Variants in RXRB observed in about 807,000 individuals in gnomAD.
The protein encoded by RXRB is retinoic acid receptor RXR-beta.
In RXRB, 18 loss-of-function variants were observed where a neutral mutation model predicts 52.5. The observed-to-expected ratio is 0.34, with a 90% CI of 0.24 to 0.51. The LOEUF (loss-of-function observed/expected upper bound fraction) is 0.51. Among genes scored for constraint, RXRB ranks in the 20% least tolerant of loss-of-function variants. RXRB has a pLI of 0.97. For missense variants in RXRB, 455 were observed against 698.2 expected (o/e 0.65, Z 3.92); for synonymous variants, 233 against 267.1 (o/e 0.87, Z 1.25).
In RXRB at chr6:33,195,661, TG is replaced by T; in HGVS notation, c.1164del (p.Ile389LeufsTer25). 1 of 1,612,828 alleles carries T rather than the reference TG, an allele frequency of 6.2e-7. No homozygotes were observed. Among genetic ancestry groups the T allele is most frequent in the Non-Finnish European group, 8.5e-7 (1 of 1,179,976 alleles). ...AGGAGGATGCCATCTCGAACATCAA[TG>T]GATCGGTGTGAGAAGGAGGCAATGA... ...ELLIASFSHR[S>X]IDVRDGILLA... On this transcript the variant is annotated frameshift_variant, in exon 7 of 10. Transcript: ENST00000374680. LOFTEE classifies it high-confidence loss of function. This position sits in a 1 kb window ranked among gnomAD's most constrained non-coding sequence, Gnocchi z 8.6.
chr6:33,198,789 C>T (rs2150669414), intron 2 of RXRB, among the ~76,000 whole-genome samples: 1 of 151,966 alleles, frequency 6.6e-6, no homozygotes, highest in East Asian at 1.9e-4. Context: ...TGGTAGGCAC[C>T]TGTAATCCCA....
rs781086170 is a variant in RXRB at position 33,200,496 on chromosome 6, G to A, written c.-20C>T. The A allele has an allele frequency of 6.3e-7, 1 of 1,576,584 alleles. No homozygotes were observed. The highest frequency in any genetic ancestry group is 8.6e-7 in the Non-Finnish European group (1 of 1,163,362). On this transcript the variant is annotated 5_prime_UTR_variant, in exon 1 of 10. Coordinates refer to ENST00000374680, the MANE Select transcript of RXRB (RefSeq NM_021976.5). This position sits in a 1 kb window ranked among gnomAD's most constrained non-coding sequence, Gnocchi z 6.3. ...AGACATGATCCCTGGCTGAGAGTAGGGATACCGAAGAGGTCCCAGGGATTC... is the reference window on the plus strand; with the variant it reads ...AGACATGATCCCTGGCTGAGAGTAGAGATACCGAAGAGGTCCCAGGGATTC...
chr6:33,199,915 A>T (rs769073769), intron 1 of RXRB: 9 of 692,806 alleles, frequency 1.3e-5, no homozygotes, highest in Non-Finnish European at 2.2e-5. Flanking sequence ...CGTGCAAGGG[A>T]AAGAGACAGG....
Position 33,196,067 on chromosome 6 carries a change from G to C in RXRB, c.994-31C>G, listed in dbSNP as rs202144068. The C allele has an allele frequency of 8.1e-6, 13 of 1,611,812 alleles. No homozygotes were observed. The East Asian group carries it at 2.2e-4, about 28-fold the overall frequency. On this transcript the variant is annotated intron_variant, in intron 5 of 9. Coordinates refer to ENST00000374680, the MANE Select transcript of RXRB (RefSeq NM_021976.5). The surrounding 1 kb of genome is among the most constrained non-coding windows in gnomAD (Gnocchi z 4.0). ...GGGGACGGGGGTAAGAGTTATGGAAGATTTTGAGATATGCTGGGAGCCCCC... is the reference window on the plus strand; with the variant it reads ...GGGGACGGGGGTAAGAGTTATGGAACATTTTGAGATATGCTGGGAGCCCCC...
upstream of RXRB, chr6:33,200,732 G>C: frequency 6.5e-7 from 1 of 1,545,228 alleles, no homozygotes; most frequent in Non-Finnish European, 8.7e-7. This position sits in a 1 kb window ranked among gnomAD's most constrained non-coding sequence, Gnocchi z 6.3. Context: ...CCTCCGGCCT[G>C]TTAGCCCGCC....
chr6:33,199,430 A>G lies in RXRB; in HGVS notation c.236-14T>C. The G allele has an allele frequency of 1.6e-6, 2 of 1,255,940 alleles. No homozygotes were observed. The highest frequency in any genetic ancestry group is 2.0e-6 in the Non-Finnish European group (2 of 991,936). 77.8% of individuals were successfully genotyped at this position (1,255,940 alleles called of 1,614,324 possible). A position where few individuals can be genotyped will look rare whatever the true frequency, so the allele number is the denominator to read the frequency against. On this transcript the variant is annotated splice_polypyrimidine_tract_variant and intron_variant, in intron 1 of 9. Transcript: ENST00000374680. ...GGCTTCGGGAGTCTGAGGGAGGGGT[A>G]TGTACAGGCACACAGACACACAAGA...
Position 33,196,366 on chromosome 6 carries a change from T to C in RXRB, c.993+68A>G. ...GAGGGGAAAGGAGGGGGAGGGGATGTAGAACAGACCTAGACTGCCTCCCCC... is the reference window on the plus strand; with the variant it reads ...GAGGGGAAAGGAGGGGGAGGGGATGCAGAACAGACCTAGACTGCCTCCCCC... On this transcript the variant is annotated intron_variant, in intron 5 of 9. Transcript: ENST00000374680. This position sits in a 1 kb window ranked among gnomAD's most constrained non-coding sequence, Gnocchi z 4.0. 1 of 1,468,214 alleles carries C rather than the reference T, an allele frequency of 6.8e-7. No homozygotes were observed. The highest frequency in any genetic ancestry group is 9.5e-7 in the Non-Finnish European group (1 of 1,048,304). The allele number at this position is 1,468,214 out of a possible 1,614,324, so 90.9% of individuals were successfully genotyped here.
In RXRB at chr6:33,200,241, C is replaced by A; in HGVS notation, c.235+1G>T. The A allele has an allele frequency of 6.2e-7, 1 of 1,605,922 alleles. No homozygotes were observed. Among genetic ancestry groups the A allele is most frequent in the Non-Finnish European group, 8.5e-7 (1 of 1,177,776 alleles). On this transcript the variant is annotated splice_donor_variant, in intron 1 of 9. Transcript: ENST00000374680. LOFTEE classifies it high-confidence loss of function. The surrounding 1 kb of genome is among the most constrained non-coding windows in gnomAD (Gnocchi z 6.3). ...GCCTGCCCTTCTGCTGGGGCACTCACCCCGCCCGCTGTCGCCCATCCCGTC... is the reference window on the plus strand; with the variant it reads ...GCCTGCCCTTCTGCTGGGGCACTCAACCCGCCCGCTGTCGCCCATCCCGTC...
rs1162986471 is a variant in RXRB, at chr6:33,193,610, T to A, written c.*1072A>T. On this transcript the variant is annotated 3_prime_UTR_variant, in exon 10 of 10. Coordinates refer to ENST00000374680, the MANE Select transcript of RXRB (RefSeq NM_021976.5). Reference sequence around the variant, plus strand: ...CAGTCCAGAAAACAGCGATTTTAATTTGAAAGCGATTTTATGTATGAGAGG... The same window carrying A: ...CAGTCCAGAAAACAGCGATTTTAATATGAAAGCGATTTTATGTATGAGAGG... 1.3e-5 allele frequency: 2 copies of A among 151,814 alleles called. No homozygotes were observed. The highest frequency in any genetic ancestry group is 2.9e-5 in the Non-Finnish European group (2 of 67,964). The allele number at this position is 151,814 out of a possible 1,614,324, so 9.4% of individuals were successfully genotyped here.
Position 33,195,847 on chromosome 6 carries a change from G to A in RXRB, c.1123+60C>T. The A allele has an allele frequency of 6.2e-7, 1 of 1,606,016 alleles. No individual in the cohort carries two copies. Among genetic ancestry groups the A allele is most frequent in the Non-Finnish European group, 8.5e-7 (1 of 1,177,896 alleles). On this transcript the variant is annotated intron_variant, in intron 6 of 9. Coordinates refer to ENST00000374680, the MANE Select transcript of RXRB (RefSeq NM_021976.5). This position sits in a 1 kb window ranked among gnomAD's most constrained non-coding sequence, Gnocchi z 8.6. ...AGGTAAGGCCACTGGGGTCACTAAA[G>A]ATCGGGAAGTCAAAGAGGGGTCAAA...
At position 33,197,739 on chromosome 6, in the gene RXRB, G is replaced by A. The variant is rs151198360; in HGVS notation, c.820+23C>T. The A allele has an allele frequency of 7.4e-6, 12 of 1,612,018 alleles. No individual in the cohort carries two copies. In the South Asian group the frequency reaches 1.1e-4, roughly 15 times the overall value. On this transcript the variant is annotated intron_variant, in intron 4 of 9. Coordinates refer to ENST00000374680, the MANE Select transcript of RXRB (RefSeq NM_021976.5). This position sits in a 1 kb window ranked among gnomAD's most constrained non-coding sequence, Gnocchi z 4.4. ...GGGAGAAGGGCATGTGGTCTAAGAC[G>A]CCTGGGCAGGGCGGGTCCTTACCCT...
Position 33,195,335 on chromosome 6 carries a change from TGA to T in RXRB, c.1348+26_1348+27del, listed in dbSNP as rs770963324. The T allele has an allele frequency of 6.8e-7, 1 of 1,478,812 alleles. No homozygotes were observed. The highest frequency in any genetic ancestry group is 9.5e-7 in the Non-Finnish European group (1 of 1,057,384). 91.6% of individuals were successfully genotyped at this position (1,478,812 alleles called of 1,614,324 possible). ...GGAGGCTCCAAGGTTGCCTTGGCCT[TGA>T]GAGACAAAGGTAATCCTCCTCTTAC... is the stretch of plus-strand genomic sequence containing the variant. On this transcript the variant is annotated intron_variant, in intron 8 of 9. Transcript: ENST00000374680. This position sits in a 1 kb window ranked among gnomAD's most constrained non-coding sequence, Gnocchi z 8.6.
chr6:33,200,296 G>C lies in RXRB; in HGVS notation c.181C>G (p.Pro61Ala). 6.2e-7 allele frequency: 1 copy of C among 1,603,948 alleles called. No individual in the cohort carries two copies. The highest frequency in any genetic ancestry group is 8.5e-7 in the Non-Finnish European group (1 of 1,177,958). ...CCAGCCTCCCCTGGCTCCGGCTCCG[G>C]GGTTTGTTGTTCTCCGCCTGCCACC... ...AAVAGGEQQT[P>A]EPEPGEAGRD... The change falls in exon 1 of 10, where the codon CCG (proline) becomes GCG (alanine). Residue 61 changes from proline (P) to alanine (A), a missense_variant. Pro to Ala is a conservative substitution (Grantham distance 27). Transcript: ENST00000374680. The surrounding 1 kb of genome is among the most constrained non-coding windows in gnomAD (Gnocchi z 6.3).
chr6:33,194,654 G>A lies in RXRB; in HGVS notation c.*28C>T. Reference sequence around the variant, plus strand: ...CCTCTTGGATGTGTGCTCCTCCAGTGTGAGAAGCACCACGTCTGGGTCTGA... The same window carrying A: ...CCTCTTGGATGTGTGCTCCTCCAGTATGAGAAGCACCACGTCTGGGTCTGA... On this transcript the variant is annotated 3_prime_UTR_variant, in exon 10 of 10. Transcript: ENST00000374680. This position sits in a 1 kb window ranked among gnomAD's most constrained non-coding sequence, Gnocchi z 4.1. 1 of 1,607,848 alleles carries A rather than the reference G, an allele frequency of 6.2e-7. No individual in the cohort carries two copies. The highest frequency in any genetic ancestry group is 8.5e-7 in the Non-Finnish European group (1 of 1,177,008).
At position 33,200,447 on chromosome 6, in the gene RXRB, G is replaced by A. The variant is rs138973246; in HGVS notation, c.30C>T (p.Leu10=). 1 of 1,593,030 alleles carries A rather than the reference G, an allele frequency of 6.3e-7. No individual in the cohort carries two copies. The highest frequency in any genetic ancestry group is 1.3e-5 in the African/African-American group (1 of 74,776). The change falls in exon 1 of 10, where the codon CTC becomes CTT. Residue 10 remains leucine, a synonymous_variant. Transcript: ENST00000374680. This position sits in a 1 kb window ranked among gnomAD's most constrained non-coding sequence, Gnocchi z 6.3. MSWAARPPF[L]PQRHAAGQCG... is the part of the protein sequence containing the mutation. ...ACTGCCCTGCGGCATGCCGCTGAGG[G>A]AGGAAGGGCGGGCGAGCGGCCCAAG...
rs1187538964 is a variant in RXRB at position 33,197,393 on chromosome 6, T to G, written c.820+369A>C. On this transcript the variant is annotated intron_variant, in intron 4 of 9. Transcript: ENST00000374680. The surrounding 1 kb of genome is among the most constrained non-coding windows in gnomAD (Gnocchi z 4.4). ...AGTCTGTAAGCTTAAGAGTGCCCAG[T>G]CCCAGGAGTTAGAGGAAAGATCACA... Among the ~76,000 whole-genome samples, 1 of 152,014 alleles carries G rather than the reference T, an allele frequency of 6.6e-6. No individual in the cohort carries two copies. The highest frequency in any genetic ancestry group is 1.5e-5 in the Non-Finnish European group (1 of 68,002).
At position 33,200,186 on chromosome 6, in the gene RXRB, A is replaced by AG. The variant is rs1774360831; in HGVS notation, c.235+55dup. The AG allele has an allele frequency of 1.3e-6, 2 of 1,582,232 alleles. No homozygotes were observed. The highest frequency in any genetic ancestry group is 1.7e-6 in the Non-Finnish European group (2 of 1,161,922). On this transcript the variant is annotated intron_variant, in intron 1 of 9. Transcript: ENST00000374680. This position sits in a 1 kb window ranked among gnomAD's most constrained non-coding sequence, Gnocchi z 6.3. ...AGAGCACCGGGGGAGGGTGTGGGGGAGGGGTCGCAGATAAAGCGGTCACTG... is the reference window on the plus strand; with the variant it reads ...AGAGCACCGGGGGAGGGTGTGGGGGAGGGGGTCGCAGATAAAGCGGTCACTG...
Position 33,195,968 on chromosome 6 carries a change from C to T in RXRB, c.1062G>A (p.Ala354=). The T allele has an allele frequency of 3.7e-6, 6 of 1,613,038 alleles. No homozygotes were observed. The highest frequency in any genetic ancestry group is 1.1e-5 in the South Asian group (1 of 91,084). The part of the protein sequence containing the change: ...DKQLFTLVEW[A]KRIPHFSSLP... ...AGGAGGAAAAGTGTGGGATCCTCTT[C>T]GCCCACTCAACAAGCGTGAATAGCT... Residue 354 remains alanine (A), a synonymous_variant, in exon 6 of 10, where the codon GCG becomes GCA. Coordinates refer to ENST00000374680, the MANE Select transcript of RXRB (RefSeq NM_021976.5). The surrounding 1 kb of genome is among the most constrained non-coding windows in gnomAD (Gnocchi z 8.6).
rs1562411414 is a variant in RXRB at position 33,195,971 on chromosome 6, C to A, written c.1059G>T (p.Trp353Cys). Residue 353 changes from tryptophan to cysteine, a missense_variant, in exon 6 of 10, where the codon TGG (tryptophan) becomes TGT (cysteine). Trp to Cys is a radical substitution (Grantham distance 215). Coordinates refer to ENST00000374680, the MANE Select transcript of RXRB (RefSeq NM_021976.5). The surrounding 1 kb of genome is among the most constrained non-coding windows in gnomAD (Gnocchi z 8.6). ...ADKQLFTLVE[W>C]AKRIPHFSSL... ...AGGAAAAGTGTGGGATCCTCTTCGC[C>A]CACTCAACAAGCGTGAATAGCTGTT... is the stretch of plus-strand genomic sequence containing the variant. 6.2e-7 allele frequency: 1 copy of A among 1,613,022 alleles called. No individual in the cohort carries two copies. Among genetic ancestry groups the A allele is most frequent in the East Asian group, 2.2e-5 (1 of 44,886 alleles).
Sources: gnomAD v4.1 joint callset for allele counts (sites outside exome capture counted in the v4.1 genomes callset) on GRCh38, gnomAD v4.1.1 for gene constraint, Gnocchi (gnomAD v3.1) non-coding constraint, MANE v1.5 for transcripts, NCBI Gene and HGNC (gene_info 2026-07-23, HGNC 2026-07-21) for gene names.